The following MAN2B1 variants were observed in gnomAD, a reference collection of about 807,000 sequenced individuals.
MAN2B1 encodes the protein lysosomal alpha-mannosidase.
Under a neutral mutation model 127.5 loss-of-function variants are expected in MAN2B1, and 99 were observed. The ratio of observed to expected loss-of-function variants is 0.78; its 90% CI spans 0.66 to 0.92. MAN2B1 has a LOEUF of 0.92. MAN2B1 is among the 40% of genes least tolerant of loss of function. The pLI, the probability that MAN2B1 is intolerant of heterozygous loss-of-function variation, is 0.00. For missense variants in MAN2B1, 1,304 were observed against 1,384.8 expected (o/e 0.94, Z 0.93); for synonymous variants, 573 against 568.8 (o/e 1.01, Z -0.11).
rs17476839 is a variant in MAN2B1 at position 12,651,969 on chromosome 19, T to C, written c.2046+184A>G. The stretch of plus-strand genomic sequence containing the variant: ...ATGGGGAGACTCTCATACGACCAGC[T>C]ATGAATATCAATTCTATGGAAGGAC... On this transcript the variant is annotated intron_variant, in intron 16 of 23. Transcript: ENST00000456935. Among the ~76,000 whole-genome samples the C allele has an allele frequency of 0.65, 99,540 of 152,084 alleles. 33,633 individuals are homozygous for C. The highest frequency in any genetic ancestry group is 0.71 in the African/African-American group (29,368 of 41,472).
intron 13 of MAN2B1, chr19:12,656,289 G>A: frequency 8.3e-6 from 4 of 480,696 alleles, no homozygotes; most frequent in East Asian, 3.8e-5. Flanking sequence ...TCCAGCAGGC[G>A]GAGTTTGAAG....
intron 5 of MAN2B1, 38 bp downstream of exon 5, chr19:12,663,665 G>A (rs1272310388): frequency 1.9e-6 from 3 of 1,584,672 alleles, no homozygotes; most frequent in Non-Finnish European, 2.6e-6. Context: ...CTGAGTGTGT[G>A]GCACCATGGC....
intron 14 of MAN2B1, among the ~76,000 whole-genome samples, 172 bp from the exon 15 acceptor site, chr19:12,652,632 A>C: frequency 6.6e-6 from 1 of 150,426 alleles, no homozygotes. Flanking sequence ...CCCGGGTTCA[A>C]GTGATTCTCG....
At position 12,646,695 on chromosome 19, in the gene MAN2B1, C is replaced by T. The variant is rs369658144; in HGVS notation, c.2961G>A (p.Pro987=). The change falls in exon 24 of 24, where the codon CCG becomes CCA. Residue 987 remains proline, a synonymous_variant. Coordinates refer to ENST00000456935, the MANE Select transcript of MAN2B1 (RefSeq NM_000528.4). ...CCATGGGTTCCAGCGTGATGTTGGC[C>T]GGGTCCAGCTGGTACGGAGTTTGGT... is the stretch of plus-strand genomic sequence containing the variant. The part of the protein sequence containing the change: ...TPHQTPYQLD[P]ANITLEPMEI... The T allele has an allele frequency of 7.4e-6, 12 of 1,613,902 alleles. No homozygotes were observed. The highest frequency in any genetic ancestry group is 1.3e-5 in the African/African-American group (1 of 74,862).
chr19:12,651,280 T>C (rs1391256135), intron 16 of MAN2B1, among the ~76,000 whole-genome samples: 1 of 152,158 alleles, frequency 6.6e-6, no homozygotes, highest in Admixed American at 6.5e-5. Flanking sequence ...GTTTGCCCCA[T>C]AGAAAGTGAT....
At chr19:12,664,393 A>T (rs1360333000) in intron 4 of MAN2B1, among the ~76,000 whole-genome samples, 1 of 151,678 alleles carries the variant, frequency 6.6e-6, no homozygotes, top group African/African-American at 2.4e-5. Flanking sequence ...AGCAGGCCTG[A>T]CTCCAGGAAT....
intron 6 of MAN2B1, among the ~76,000 whole-genome samples, chr19:12,662,948 AAAT>A (rs1568306676): frequency 6.7e-6 from 1 of 149,816 alleles, no homozygotes; most frequent in Admixed American, 6.6e-5. Flanking sequence ...AAAAAAAAAA[AAAT>A]AATAATAAAT....
intron 7 of MAN2B1, 91 bp from the exon 8 acceptor site, chr19:12,658,601 C>G (rs767602909): frequency 2.6e-4 from 291 of 1,124,326 alleles, no homozygotes; most frequent in Non-Finnish European, 3.6e-4. Flanking sequence ...TCATGCATCC[C>G]ATAGGTTCAG....
At chr19:12,646,849 G>T in intron 23 of MAN2B1, 117 bp from the exon 24 acceptor site, 1 of 748,352 alleles carries the variant, frequency 1.3e-6, no homozygotes, top group Non-Finnish European at 2.3e-6. Flanking sequence ...CTGTCTCCAG[G>T]GCCTCAATCC....
intron 13 of MAN2B1, 34 bp downstream of exon 13, chr19:12,656,537 T>A: frequency 3.4e-6 from 5 of 1,474,302 alleles, no homozygotes; most frequent in Non-Finnish European, 4.7e-6. Flanking sequence ...GGGGGAGGAG[T>A]CCCAGCGGGG....
chr19:12,665,291 G>A (rs574251556), intron 3 of MAN2B1, 61 bp downstream of exon 3: 1 of 1,583,200 alleles, frequency 6.3e-7, no homozygotes, highest in Non-Finnish European at 8.6e-7. Flanking sequence ...TCAGAAACCA[G>A]AGATGCAGAA....
chr19:12,665,867 G>T (rs775121859), intron 1 of MAN2B1, 62 bp from the exon 2 acceptor site: 1 of 1,342,652 alleles, frequency 7.4e-7, no homozygotes, highest in East Asian at 2.3e-5. Context: ...GGGCTGCAGA[G>T]TAAGTCTTGA....
chr19:12,665,278 A>G, intron 3 of MAN2B1, 74 bp downstream of exon 3: 1 of 1,570,050 alleles, frequency 6.4e-7, no homozygotes, highest in Non-Finnish European at 8.7e-7. Context: ...GGCATGACAA[A>G]TCTCAGAAAC....
At chr19:12,666,411 C>G (rs2024242253) in intron 1 of MAN2B1, 132 bp downstream of exon 1, 1 of 1,006,888 alleles carries the variant, frequency 9.9e-7, no homozygotes, top group Non-Finnish European at 1.5e-6. Context: ...ACACAAAGCA[C>G]GCACTCAGAC....
At chr19:12,650,252 G>C in intron 16 of MAN2B1, 30 bp from the exon 17 acceptor site, 1 of 1,419,634 alleles carries the variant, frequency 7.0e-7, no homozygotes, top group Non-Finnish European at 1.0e-6. Context: ...GTGGATGTCA[G>C]TCTGTACCTG....
chr19:12,665,622 G>A lies in MAN2B1; in HGVS notation c.262+81C>T, dbSNP rs1371185606. On this transcript the variant is annotated intron_variant, in intron 2 of 23. Transcript: ENST00000456935. ...AAACCCTGGATATTAGGGTAGCACT[G>A]GCCCCACCCTAATGTCCAGGACCCA... 6 of 1,572,394 alleles carry A rather than the reference G, an allele frequency of 3.8e-6. No homozygotes were observed. In the Admixed American group the frequency reaches 5.0e-5, roughly 13 times the overall value.
rs747944082 is a variant in MAN2B1, at chr19:12,646,604, G to C, written c.*16C>G. The C allele has an allele frequency of 5.1e-5, 81 of 1,582,616 alleles. No individual in the cohort carries two copies. In the East Asian group the frequency reaches 1.2e-3, roughly 24 times the overall value. ...GGAGCAGGAGGCTTGGGCTTGGAGG[G>C]CCCATCCCAGCAGACCTAACCATCC... On this transcript the variant is annotated 3_prime_UTR_variant, in exon 24 of 24. Transcript: ENST00000456935.
chr19:12,657,031 C>T lies in MAN2B1; in HGVS notation c.1445G>A (p.Arg482Gln), dbSNP rs1473382507. ...GAAGTGATCTTTGAAGCCTCTGAGC[C>T]GCGCCAGCGCGTTGCTCAGAAGAAC... The part of the protein sequence containing the change: ...CEVLLSNALA[R>Q]LRGFKDHFTF... The change falls in exon 12 of 24, where the codon CGG (arginine) becomes CAG (glutamine). Residue 482 changes from arginine to glutamine, a missense_variant. Arg to Gln is a conservative substitution (Grantham distance 43). Transcript: ENST00000456935. 2.5e-6 allele frequency: 4 copies of T among 1,612,156 alleles called. No individual in the cohort carries two copies. The highest frequency in any genetic ancestry group is 1.1e-5 in the South Asian group (1 of 90,950).
intron 13 of MAN2B1, chr19:12,656,097 T>G (rs1210499111): frequency 6.7e-5 from 26 of 388,514 alleles, no homozygotes; most frequent in Admixed American, 1.5e-4. Flanking sequence ...GACCATGGAG[T>G]CGGGGGAGTG....
Sources: allele counts gnomAD v4.1 joint callset (sites outside exome capture counted in the v4.1 genomes callset), GRCh38; gene constraint gnomAD v4.1.1; transcripts MANE v1.5; gene names NCBI Gene and HGNC (gene_info 2026-07-23, HGNC 2026-07-21).